The following WWOX variants were observed in gnomAD, a reference collection of about 807,000 sequenced individuals.
The protein encoded by WWOX is WW domain containing oxidoreductase, also known as WW domain-containing oxidoreductase.
Under a neutral mutation model 46.2 loss-of-function variants are expected in WWOX, and 69 were observed. The ratio of observed to expected loss-of-function variants is 1.49; its 90% CI spans 1.23 to 1.82. WWOX has a LOEUF of 1.82. WWOX is among the 40% of genes most tolerant of loss of function. The pLI, the probability that WWOX is intolerant of heterozygous loss-of-function variation, is 0.00. For synonymous variants in WWOX, 359 were observed against 202.6 expected, an observed-to-expected ratio of 1.77 and a Z score of -6.56; for missense variants, 919 against 542.6, an observed-to-expected ratio of 1.69 and a Z score of -6.89.
chr16:78,615,083 C>T (rs975522388), intron 8 of WWOX, among the ~76,000 whole-genome samples: 1 of 152,126 alleles, frequency 6.6e-6, no homozygotes, highest in Non-Finnish European at 1.5e-5. Flanking sequence ...TCTGGGGACA[C>T]TCTAGTGAAA....
intron 8 of WWOX, among the ~76,000 whole-genome samples, chr16:78,889,169 G>C (rs1430857115): frequency 2.0e-5 from 3 of 152,088 alleles, no homozygotes; most frequent in African/African-American, 7.2e-5. Flanking sequence ...AAGATGATAA[G>C]GATTCGTACC....
At chr16:78,867,840 C>G (rs967448025) in intron 8 of WWOX, among the ~76,000 whole-genome samples, 1 of 152,144 alleles carries the variant, frequency 6.6e-6, no homozygotes. Flanking sequence ...TAGCCCCAGA[C>G]CATGACATGC....
chr16:78,353,609 C>G (rs945637830), intron 5 of WWOX, among the ~76,000 whole-genome samples: 1 of 152,200 alleles, frequency 6.6e-6, no homozygotes, highest in Non-Finnish European at 1.5e-5. Context: ...TATGCAAAGA[C>G]TTGGGGATAA....
At chr16:78,225,439 C>G (rs1335786760) in intron 5 of WWOX, among the ~76,000 whole-genome samples, 1 of 152,048 alleles carries the variant, frequency 6.6e-6, no homozygotes, top group Non-Finnish European at 1.5e-5. Flanking sequence ...TTACTTTTGT[C>G]TTTTAATTTT....
At chr16:78,561,400 A>AGAAACTCTCTCATGCATGTAGTTCCCTC (rs1420484845) in intron 8 of WWOX, among the ~76,000 whole-genome samples, 5 of 152,256 alleles carry the variant, frequency 3.3e-5, no homozygotes, top group South Asian at 2.1e-4. Flanking sequence ...TCAAGGGCTC[A>AGAAACTCTCTCATGCATGTAGTTCCCTC]CGTGATGAGG....
intron 8 of WWOX, among the ~76,000 whole-genome samples, chr16:78,657,334 G>C (rs920099085): frequency 2.0e-5 from 3 of 152,134 alleles, no homozygotes; most frequent in Admixed American, 6.5e-5. Context: ...ATGAGGTGGG[G>C]GGAAGGGGAC....
chr16:78,965,073 C>G (rs2046340033), intron 8 of WWOX, among the ~76,000 whole-genome samples: 1 of 152,196 alleles, frequency 6.6e-6, no homozygotes, highest in African/African-American at 2.4e-5. Context: ...CATGGAGAAC[C>G]TCTGCTAGGG....
At chr16:78,720,822 ATACT>A in intron 8 of WWOX, among the ~76,000 whole-genome samples, 1 of 152,136 alleles carries the variant, frequency 6.6e-6, no homozygotes, top group South Asian at 2.1e-4. Flanking sequence ...AGTACATTAG[ATACT>A]TTCTTGGGGA....
intron 8 of WWOX, among the ~76,000 whole-genome samples, chr16:78,972,564 C>G (rs1322976483): frequency 6.6e-6 from 1 of 152,014 alleles, no homozygotes; most frequent in African/African-American, 2.4e-5. Context: ...AATTTACCGT[C>G]ATCAGCAGGT....
chr16:78,458,816 G>C (rs1567585509), intron 8 of WWOX, among the ~76,000 whole-genome samples: 1 of 152,054 alleles, frequency 6.6e-6, no homozygotes, highest in Non-Finnish European at 1.5e-5. Flanking sequence ...TGTGTGTTGG[G>C]GGTGGAATTA....
intron 8 of WWOX, among the ~76,000 whole-genome samples, chr16:78,978,265 C>T (rs570230898): frequency 6.6e-6 from 1 of 152,168 alleles, no homozygotes; most frequent in Non-Finnish European, 1.5e-5. Flanking sequence ...GGGTTATTTC[C>T]ACCTTTTTGC....
intron 8 of WWOX, among the ~76,000 whole-genome samples, chr16:78,589,922 G>C (rs570566269): frequency 5.3e-5 from 8 of 152,116 alleles, no homozygotes; most frequent in Non-Finnish European, 1.2e-4. Flanking sequence ...GTTGGCATTT[G>C]TTGGAATTTC....
intron 8 of WWOX, among the ~76,000 whole-genome samples, chr16:78,517,291 A>G (rs2043254423): frequency 6.6e-6 from 1 of 152,154 alleles, no homozygotes; most frequent in Non-Finnish European, 1.5e-5. Context: ...TTTTCTTGCT[A>G]AACTAGGAAC....
chr16:78,346,229 A>G (rs2081092185), intron 5 of WWOX, among the ~76,000 whole-genome samples: 1 of 122,298 alleles, frequency 8.2e-6, no homozygotes, highest in Admixed American at 7.9e-5. Context: ...ATTGGTGAGT[A>G]GTACTCCATT....
At chr16:78,817,781 C>G (rs2051378664) in intron 8 of WWOX, among the ~76,000 whole-genome samples, 1 of 152,160 alleles carries the variant, frequency 6.6e-6, no homozygotes, top group Admixed American at 6.5e-5. Flanking sequence ...CCTCCTCACC[C>G]TCTGTCTTGG....
At chr16:79,199,788 C>G (rs915325058) in intron 8 of WWOX, among the ~76,000 whole-genome samples, 1 of 152,178 alleles carries the variant, frequency 6.6e-6, no homozygotes, top group African/African-American at 2.4e-5. Flanking sequence ...ACACAACTGG[C>G]TTGTGTTCCT....
chr16:78,611,120 TG>T (rs2045891218), intron 8 of WWOX, among the ~76,000 whole-genome samples: 1 of 152,168 alleles, frequency 6.6e-6, no homozygotes, highest in African/African-American at 2.4e-5. Context: ...AATGACAAGT[TG>T]TTCATCATTT....
intron 8 of WWOX, among the ~76,000 whole-genome samples, chr16:78,501,357 A>G (rs1438387057): frequency 1.3e-5 from 2 of 151,804 alleles, no homozygotes; most frequent in Non-Finnish European, 2.9e-5. Flanking sequence ...AGAGCTTAAG[A>G]TGACCTCCTC....
chr16:78,380,257 T>G (rs571899744), intron 5 of WWOX, among the ~76,000 whole-genome samples: 10 of 152,194 alleles, frequency 6.6e-5, no homozygotes, highest in Admixed American at 6.5e-4. Context: ...AGGTACATAG[T>G]GTGGACATAA....
Sources: gnomAD v4.1 joint callset for allele counts (sites outside exome capture counted in the v4.1 genomes callset) on GRCh38, gnomAD v4.1.1 for gene constraint, MANE v1.5 for transcripts, NCBI Gene and HGNC (gene_info 2026-07-23, HGNC 2026-07-21) for gene names.